PPP2R3A: variants seen among roughly 807,000 people sequenced by gnomAD.
PPP2R3A encodes the protein protein phosphatase 2 regulatory subunit B''alpha.
PPP2R3A carries 80 observed loss-of-function variants against 106.9 expected under a neutral mutation model. That is an observed-to-expected ratio of 0.75 (90% confidence interval 0.62 to 0.90). PPP2R3A has a LOEUF of 0.90. Ranked by LOEUF, PPP2R3A falls within the 40% of genes least tolerant of loss-of-function variation. The pLI is 0.00. For missense variants in PPP2R3A, 1,386 were observed against 1,350.4 expected (o/e 1.03, Z -0.41); for synonymous variants, 483 against 468.3 (o/e 1.03, Z -0.41).
intron 13 of PPP2R3A, among the ~76,000 whole-genome samples, chr3:136,133,706 A>G (rs1938503812): frequency 6.6e-6 from 1 of 152,040 alleles, no homozygotes; most frequent in Admixed American, 6.6e-5. Flanking sequence ...ATGTCCATCA[A>G]ACTGGTGAAC....
intron 2 of PPP2R3A, among the ~76,000 whole-genome samples, chr3:136,009,586 G>C (rs1396167535): frequency 5.3e-5 from 8 of 152,100 alleles, no homozygotes; most frequent in Non-Finnish European, 7.4e-5. Flanking sequence ...GGTTTTAAGA[G>C]TATGGTTCCC....
intron 6 of PPP2R3A, among the ~76,000 whole-genome samples, chr3:136,071,754 CCCTGG>C: frequency 6.6e-6 from 1 of 152,180 alleles, no homozygotes; most frequent in South Asian, 2.1e-4. Context: ...TCCTCCCATA[CCCTGG>C]CAACCCCTAT....
intron 7 of PPP2R3A, among the ~76,000 whole-genome samples, chr3:136,082,026 C>G (rs562812736): frequency 6.6e-6 from 1 of 152,216 alleles, no homozygotes; most frequent in East Asian, 1.9e-4. Flanking sequence ...CTTCCCTTCC[C>G]CTGCTTTTAC....
chr3:136,134,588 G>A (rs552916985), intron 13 of PPP2R3A, among the ~76,000 whole-genome samples: 3 of 152,210 alleles, frequency 2.0e-5, no homozygotes, highest in South Asian at 2.1e-4. Flanking sequence ...CTTAAAATGT[G>A]TGTATGTATA....
In PPP2R3A at chr3:136,070,518, A is replaced by G. The variant is rs753726579; in HGVS notation, c.2510A>G (p.Asp837Gly). The change falls in exon 6 of 14, where the codon GAT becomes GGT. Residue 837 changes from aspartate to glycine, a missense_variant. By Grantham distance (94) the Asp-to-Gly change is moderately conservative. Coordinates refer to ENST00000264977, the MANE Select transcript of PPP2R3A (RefSeq NM_002718.5). ...DTHPGLTFLKDAPEFHSRYIT... is the reference protein window; with the variant it reads ...DTHPGLTFLKGAPEFHSRYIT... Reference sequence around the variant, plus strand: ...CACCCTGGTCTCACGTTCCTGAAAGATGCTCCAGAATTCCACTCCCGCTAC... The same window carrying G: ...CACCCTGGTCTCACGTTCCTGAAAGGTGCTCCAGAATTCCACTCCCGCTAC... 71 of 1,611,238 alleles carry G rather than the reference A, an allele frequency of 4.4e-5. No individual in the cohort carries two copies. Among genetic ancestry groups the G allele is most frequent in the Admixed American group, 3.4e-4 (20 of 59,212 alleles).
At chr3:135,966,396 C>G (rs1283890852) in intron 1 of PPP2R3A, among the ~76,000 whole-genome samples, 1 of 152,164 alleles carries the variant, frequency 6.6e-6, no homozygotes, top group East Asian at 1.9e-4. Flanking sequence ...CCCGGCCCGC[C>G]AGGAGCCGGG....
intron 1 of PPP2R3A, among the ~76,000 whole-genome samples, chr3:135,967,410 C>CT (rs771173399): frequency 1.3e-5 from 2 of 152,150 alleles, no homozygotes; most frequent in Non-Finnish European, 2.9e-5. Flanking sequence ...TAAAATGTAG[C>CT]TTAACATTCT....
intron 2 of PPP2R3A, among the ~76,000 whole-genome samples, chr3:136,022,165 A>G (rs919068616): frequency 6.6e-6 from 1 of 152,194 alleles, no homozygotes; most frequent in African/African-American, 2.4e-5. Context: ...TTCAGTATGT[A>G]GTATGTCATT....
At chr3:136,134,866 C>T (rs1256199999) in intron 13 of PPP2R3A, among the ~76,000 whole-genome samples, 3 of 151,976 alleles carry the variant, frequency 2.0e-5, no homozygotes. Context: ...TGTTTTATCA[C>T]TTTGGAGTAT....
At position 136,087,808 on chromosome 3, in the gene PPP2R3A, A is replaced by C. The variant is rs1377634493; in HGVS notation, c.2789-75A>C. 4 of 1,231,488 alleles carry C rather than the reference A, an allele frequency of 3.2e-6. No individual in the cohort carries two copies. The African/African-American group carries it at 6.1e-5, about 19-fold the overall frequency. The allele number at this position is 1,231,488 out of a possible 1,614,324, so 76.3% of individuals were successfully genotyped here. On this transcript the variant is annotated intron_variant, in intron 8 of 13. Transcript: ENST00000264977. The stretch of plus-strand genomic sequence containing the variant: ...GTTTAGCTTGTAGCTAGTGAAAAGC[A>C]AATTTGTGAAAAGTATTGCCTTTAT...
At chr3:136,138,500 A>G (rs2108030334) in intron 13 of PPP2R3A, among the ~76,000 whole-genome samples, 1 of 152,272 alleles carries the variant, frequency 6.6e-6, no homozygotes, top group South Asian at 2.1e-4. Flanking sequence ...CTTCAACAAG[A>G]GTTGAAACTA....
chr3:135,993,933 T>C (rs1043678264), intron 1 of PPP2R3A, among the ~76,000 whole-genome samples: 7 of 152,154 alleles, frequency 4.6e-5, no homozygotes, highest in African/African-American at 9.7e-5. Context: ...TTGGATATTA[T>C]GGGTAAGGGA....
chr3:136,097,897 T>G (rs749290756), intron 10 of PPP2R3A, among the ~76,000 whole-genome samples: 3 of 152,176 alleles, frequency 2.0e-5, no homozygotes, highest in Non-Finnish European at 4.4e-5. Context: ...ATGTAACTCT[T>G]CAAGGTTTTC....
intron 6 of PPP2R3A, among the ~76,000 whole-genome samples, chr3:136,073,158 G>A (rs1458229302): frequency 4.6e-5 from 7 of 152,028 alleles, no homozygotes; most frequent in Admixed American, 2.6e-4. Flanking sequence ...TAGTAGAGAC[G>A]GGGTTTCACC....
intron 3 of PPP2R3A, among the ~76,000 whole-genome samples, chr3:136,029,417 G>T (rs978660263): frequency 1.3e-5 from 2 of 151,964 alleles, no homozygotes; most frequent in Non-Finnish European, 2.9e-5. Context: ...TCTGTGGCTC[G>T]GGGCCTTGCT....
chr3:136,007,318 T>C (rs1559865499), intron 2 of PPP2R3A, among the ~76,000 whole-genome samples: 1 of 152,314 alleles, frequency 6.6e-6, no homozygotes, highest in East Asian at 1.9e-4. Flanking sequence ...CTTTCCTGCT[T>C]TGTCTCCTCA....
At chr3:136,071,534 A>G (rs1936429440) in intron 6 of PPP2R3A, among the ~76,000 whole-genome samples, 1 of 152,016 alleles carries the variant, frequency 6.6e-6, no homozygotes. Flanking sequence ...ACCACAATCA[A>G]CCTGGCCTGT....
At chr3:136,046,623 A>T (rs1012558528) in intron 4 of PPP2R3A, among the ~76,000 whole-genome samples, 2 of 152,214 alleles carry the variant, frequency 1.3e-5, no homozygotes, top group Non-Finnish European at 2.9e-5. Flanking sequence ...GGACAGCAAC[A>T]TCAAAAGATA....
intron 2 of PPP2R3A, among the ~76,000 whole-genome samples, chr3:136,017,354 G>T (rs539461656): frequency 6.6e-6 from 1 of 152,260 alleles, no homozygotes; most frequent in African/African-American, 2.4e-5. Context: ...CTCTAGCAAC[G>T]CCAGGGAAGT....
Sources: allele counts gnomAD v4.1 joint callset (sites outside exome capture counted in the v4.1 genomes callset), GRCh38; gene constraint gnomAD v4.1.1; transcripts MANE v1.5; gene names NCBI Gene and HGNC (gene_info 2026-07-23, HGNC 2026-07-21).